The following SAMMSON variants were observed in gnomAD, a reference collection of about 807,000 sequenced individuals.
The protein encoded by SAMMSON is survival associated mitochondrial melanoma specific oncogenic non-coding RNA, also known as long intergenic non-protein coding RNA 1212.
At chr3:70,000,570 G>T (rs1295915177) in intron 1 of SAMMSON, among the ~76,000 whole-genome samples, 4 of 152,180 alleles carry the variant, frequency 2.6e-5, no homozygotes, top group Non-Finnish European at 5.9e-5. Flanking sequence ...TTAGCAAATA[G>T]CAGGAGTGTA....
intron 4 of SAMMSON, among the ~76,000 whole-genome samples, chr3:70,195,293 G>A (rs967063470): frequency 6.6e-6 from 1 of 152,112 alleles, no homozygotes; most frequent in Admixed American, 6.5e-5. Flanking sequence ...AAAGCAGAAA[G>A]ACTTTTTCAT....
intron 3 of SAMMSON, among the ~76,000 whole-genome samples, chr3:70,015,961 C>T (rs575633538): frequency 2.0e-5 from 3 of 152,250 alleles, no homozygotes; most frequent in African/African-American, 4.8e-5. Context: ...TCCAGTCTGT[C>T]ATTGATGGAC....
intron 2 of SAMMSON, among the ~76,000 whole-genome samples, chr3:70,432,655 G>A (rs1701423782): frequency 6.6e-6 from 1 of 151,850 alleles, no homozygotes; most frequent in South Asian, 2.1e-4. Context: ...CAATATTGAT[G>A]CATTATTGTT....
intron 4 of SAMMSON, among the ~76,000 whole-genome samples, chr3:70,138,327 T>C (rs2067514410): frequency 6.6e-6 from 1 of 152,170 alleles, no homozygotes; most frequent in African/African-American, 2.4e-5. Context: ...CAGAAATTGG[T>C]TTCTCATAGT....
chr3:70,336,734 A>T (rs1702663093), intron 7 of SAMMSON, among the ~76,000 whole-genome samples: 1 of 151,798 alleles, frequency 6.6e-6, no homozygotes, highest in African/African-American at 2.4e-5. Flanking sequence ...ATCAATGTCC[A>T]TACTTAATGT....
At chr3:70,025,240 AT>A (rs2067032737) in intron 3 of SAMMSON, 1 of 151,944 alleles carries the variant, frequency 6.6e-6, no homozygotes, top group Non-Finnish European at 1.5e-5. Context: ...GTTTTATTTT[AT>A]TTTTATTTAT....
chr3:70,026,799 A>C (rs961089069), intron 3 of SAMMSON, among the ~76,000 whole-genome samples: 3 of 152,180 alleles, frequency 2.0e-5, no homozygotes, highest in Admixed American at 6.5e-5. Flanking sequence ...TATTAATTGG[A>C]CAAAATTGTG....
chr3:70,050,749 T>C (rs2067142860), intron 3 of SAMMSON, among the ~76,000 whole-genome samples: 1 of 151,960 alleles, frequency 6.6e-6, no homozygotes, highest in African/African-American at 2.4e-5. Context: ...CACTTTAATT[T>C]TGGCAGTTTG....
chr3:70,325,794 A>G (rs1174420441), intron 7 of SAMMSON, among the ~76,000 whole-genome samples: 2 of 152,138 alleles, frequency 1.3e-5, no homozygotes, highest in African/African-American at 4.8e-5. Flanking sequence ...TCAGATTGTA[A>G]ATCACATCTC....
At chr3:70,286,864 T>C (rs1702170298) in intron 6 of SAMMSON, among the ~76,000 whole-genome samples, 1 of 152,116 alleles carries the variant, frequency 6.6e-6, no homozygotes, top group South Asian at 2.1e-4. Flanking sequence ...TGTTTGTCTG[T>C]TGTTGGTGTA....
intron 4 of SAMMSON, among the ~76,000 whole-genome samples, chr3:70,093,858 A>G (rs1326134877): frequency 6.6e-6 from 1 of 152,190 alleles, no homozygotes; most frequent in African/African-American, 2.4e-5. Context: ...TCTGTTTTCT[A>G]AAACCAAAGC....
chr3:70,115,763 A>G (rs1008032996), intron 4 of SAMMSON, among the ~76,000 whole-genome samples: 3 of 152,194 alleles, frequency 2.0e-5, no homozygotes, highest in African/African-American at 7.2e-5. Flanking sequence ...ATTGAAATGA[A>G]TAAACAAATG....
At chr3:70,279,156 T>C (rs1702056604) in intron 6 of SAMMSON, among the ~76,000 whole-genome samples, 1 of 151,262 alleles carries the variant, frequency 6.6e-6, no homozygotes, top group Non-Finnish European at 1.5e-5. Flanking sequence ...ATGACAACAA[T>C]AAGTGCCATT....
At chr3:70,229,456 T>C (rs1033463905) in intron 4 of SAMMSON, among the ~76,000 whole-genome samples, 7 of 152,226 alleles carry the variant, frequency 4.6e-5, no homozygotes, top group Non-Finnish European at 1.0e-4. Context: ...AGATGCTACA[T>C]AGCAGAACTT....
intron 2 of SAMMSON, among the ~76,000 whole-genome samples, chr3:70,431,293 A>G (rs1012042940): frequency 2.6e-5 from 4 of 152,032 alleles, no homozygotes; most frequent in Non-Finnish European, 5.9e-5. Context: ...TAGCTTCTCT[A>G]TAGAAGTTCA....
chr3:70,019,601 A>C, intron 3 of SAMMSON, among the ~76,000 whole-genome samples: 1 of 151,826 alleles, frequency 6.6e-6, no homozygotes, highest in East Asian at 1.9e-4. Flanking sequence ...TAATATTGTT[A>C]TGTGTGAATT....
chr3:70,320,762 T>C (rs1392532204), intron 7 of SAMMSON, among the ~76,000 whole-genome samples: 2 of 152,110 alleles, frequency 1.3e-5, no homozygotes, highest in Non-Finnish European at 2.9e-5. Flanking sequence ...AATTTGGAAT[T>C]GGGATGCAAT....
intron 1 of SAMMSON, among the ~76,000 whole-genome samples, chr3:70,008,619 A>C (rs1410823341): frequency 5.3e-5 from 8 of 152,200 alleles, no homozygotes; most frequent in Non-Finnish European, 7.4e-5. Context: ...TCCTACTTGA[A>C]TACCCTTTAT....
intron 4 of SAMMSON, among the ~76,000 whole-genome samples, chr3:70,210,356 G>A (rs1222251574): frequency 6.6e-6 from 1 of 152,040 alleles, no homozygotes; most frequent in Non-Finnish European, 1.5e-5. Context: ...TCATTCCTCA[G>A]TGGGAACTAT....
Sources: gnomAD v4.1 joint callset for allele counts (sites outside exome capture counted in the v4.1 genomes callset) on GRCh38, gnomAD v4.1.1 for gene constraint, MANE v1.5 for transcripts, NCBI Gene and HGNC (gene_info 2026-07-23, HGNC 2026-07-21) for gene names.